Variants in CCDC13 observed in about 807,000 individuals in gnomAD.
The protein encoded by CCDC13 is coiled-coil domain containing 13.
In CCDC13, 70 loss-of-function variants were observed where a neutral mutation model predicts 87.3. That is an observed-to-expected ratio of 0.80 (90% CI 0.66 to 0.98). The LOEUF is 0.98. CCDC13 is among the 50% of genes least tolerant of loss of function. The pLI is 0.00. For synonymous variants in CCDC13, 317 were observed against 360.3 expected, an observed-to-expected ratio of 0.88 and a Z score of 1.36; for missense variants, 842 against 892.0, an observed-to-expected ratio of 0.94 and a Z score of 0.71.
chr3:42,735,956 C>A (rs777820595), intron 9 of CCDC13, 43 bp from the exon 10 acceptor site: 2 of 1,576,414 alleles, frequency 1.3e-6, no homozygotes, highest in South Asian at 2.3e-5. Context: ...AGTCATGGCC[C>A]TTTGGGCCGG....
chr3:42,757,077 A>C lies in CCDC13; in HGVS notation c.359T>G (p.Phe120Cys). Residue 120 changes from phenylalanine to cysteine, a missense_variant, in exon 3 of 16, where the codon TTT becomes TGT. Phe to Cys is a radical substitution (Grantham distance 205). Coordinates refer to ENST00000310232, the MANE Select transcript of CCDC13 (RefSeq NM_144719.4). ...HLKKKIEEDR[F>C]AFTGTAGVAG... ...AATGGTGGAGCTACCTGTGAAGGCA[A>C]ATCTGTCCTCTTCTATTTTCTTTTT... 1 of 1,614,042 alleles carries C rather than the reference A, an allele frequency of 6.2e-7. No homozygotes were observed. The highest frequency in any genetic ancestry group is 1.3e-5 in the African/African-American group (1 of 75,060).
At chr3:42,742,027 A>G (rs1466874965) in intron 8 of CCDC13, among the ~76,000 whole-genome samples, 2 of 152,214 alleles carry the variant, frequency 1.3e-5, no homozygotes, top group Non-Finnish European at 2.9e-5. Flanking sequence ...GGCCTGTTGT[A>G]TGGCCTGCCT....
intron 2 of CCDC13, 63 bp from the exon 3 acceptor site, chr3:42,757,277 G>A: frequency 6.6e-7 from 1 of 1,509,384 alleles, no homozygotes. Context: ...CAGGGGTCAG[G>A]CCTCCACTGC....
In CCDC13 at chr3:42,708,729, G is replaced by A; in HGVS notation, c.*251C>T. ...CCAGAGCTCTCGCCTCTGCCAGTGG[G>A]CTGCTGGGCCTCCCTGCTGCTGTAA... is the stretch of plus-strand genomic sequence containing the variant. On this transcript the variant is annotated 3_prime_UTR_variant, in exon 16 of 16. Transcript: ENST00000310232. 2.5e-6 allele frequency: 1 copy of A among 400,702 alleles called. No individual in the cohort carries two copies. The highest frequency in any genetic ancestry group is 5.3e-5 in the South Asian group (1 of 18,902). The allele number at this position is 400,702 out of a possible 1,614,324, so 24.8% of individuals were successfully genotyped here. A position where few individuals can be genotyped will look rare whatever the true frequency, so the allele number is the denominator to read the frequency against.
At chr3:42,744,887 TC>T (rs1304777743) in intron 7 of CCDC13, 4 of 151,724 alleles carry the variant, frequency 2.6e-5, no homozygotes, top group African/African-American at 9.7e-5. Flanking sequence ...CTTATTATGG[TC>T]AGGCACTGTC....
intron 5 of CCDC13, among the ~76,000 whole-genome samples, chr3:42,750,135 C>T (rs1699537364): frequency 6.6e-6 from 1 of 152,228 alleles, no homozygotes; most frequent in African/African-American, 2.4e-5. Context: ...AGCTGCCATT[C>T]AAGGGCTCCC....
At chr3:42,767,981 A>C (rs547099958) in intron 1 of CCDC13, among the ~76,000 whole-genome samples, 1 of 152,274 alleles carries the variant, frequency 6.6e-6, no homozygotes, top group East Asian at 1.9e-4. Context: ...TCTCAAAAAA[A>C]AAAAAAGACT....
chr3:42,717,903 G>C, intron 13 of CCDC13: 1 of 152,230 alleles, frequency 6.6e-6, no homozygotes, highest in East Asian at 1.9e-4. Flanking sequence ...TCAGCTCCTA[G>C]ATTTTTCTCC....
At chr3:42,735,586 A>C in intron 10 of CCDC13, 121 bp downstream of exon 10, 1 of 1,045,498 alleles carries the variant, frequency 9.6e-7, no homozygotes, top group Non-Finnish European at 1.4e-6. Flanking sequence ...GCAGGTGGCC[A>C]AAGTGGAGCC....
intron 3 of CCDC13, among the ~76,000 whole-genome samples, chr3:42,755,360 G>T (rs1559659294): frequency 6.6e-6 from 1 of 152,120 alleles, no homozygotes; most frequent in Non-Finnish European, 1.5e-5. Flanking sequence ...TGTAATCCCA[G>T]GACTTTGGGA....
rs1698800153 is a variant in CCDC13 at position 42,730,541 on chromosome 3, C to T, written c.1644G>A (p.Glu548=). 1 of 1,614,176 alleles carries T rather than the reference C, an allele frequency of 6.2e-7. No individual in the cohort carries two copies. The highest frequency in any genetic ancestry group is 8.5e-7 in the Non-Finnish European group (1 of 1,180,016). Residue 548 remains glutamate (E), a synonymous_variant, in exon 13 of 16, where the codon GAG becomes GAA. Coordinates refer to ENST00000310232, the MANE Select transcript of CCDC13 (RefSeq NM_144719.4). ...CGGCAGCCTGCCAGAGGGCCTTGAT[C>T]TCTGACACTTGTGCCTGCCAGCCTT... is the stretch of plus-strand genomic sequence containing the variant. ...EQKGWQAQVS[E]IKALWQAAEV...
intron 13 of CCDC13, among the ~76,000 whole-genome samples, chr3:42,723,038 C>A (rs952062679): frequency 2.0e-5 from 3 of 152,116 alleles, no homozygotes; most frequent in Admixed American, 1.3e-4. Flanking sequence ...ACCTCGTGAC[C>A]TGCCCATCTC....
rs555579245 is a variant in CCDC13, at chr3:42,759,255, G to C, written c.-6-904C>G. On this transcript the variant is annotated intron_variant, in intron 1 of 15. Coordinates refer to ENST00000310232, the MANE Select transcript of CCDC13 (RefSeq NM_144719.4). ...GCCCAGGAAGTGGAGGCTGCAGTGA[G>C]CCATGATTGTGCCACTATATTCCAT... Among the ~76,000 whole-genome samples the C allele has an allele frequency of 1.7e-4, 25 of 151,486 alleles. No individual in the cohort carries two copies. The East Asian group carries it at 4.8e-3, about 29-fold the overall frequency.
At chr3:42,757,284 C>T (rs1699725567) in intron 2 of CCDC13, 70 bp from the exon 3 acceptor site, 1 of 1,493,288 alleles carries the variant, frequency 6.7e-7, no homozygotes, top group Admixed American at 2.1e-5. Context: ...CAGGCCTCCA[C>T]TGCCTAGGTG....
chr3:42,706,905 G>T lies in CCDC13; in HGVS notation c.*2075C>A, dbSNP rs1330478488. 1 of 152,262 alleles carries T rather than the reference G, an allele frequency of 6.6e-6. No individual in the cohort carries two copies. The highest frequency in any genetic ancestry group is 1.5e-5 in the Non-Finnish European group (1 of 68,076). 9.4% of individuals were successfully genotyped at this position (152,262 alleles called of 1,614,324 possible). A position where few individuals can be genotyped will look rare whatever the true frequency, so the allele number is the denominator to read the frequency against. Reference sequence around the variant, plus strand: ...AGAGAGGTTAAATAACTTGCCCAAGGCCACACAGCTGGTAAGTGGGGAGAG... The same window carrying T: ...AGAGAGGTTAAATAACTTGCCCAAGTCCACACAGCTGGTAAGTGGGGAGAG... On this transcript the variant is annotated 3_prime_UTR_variant, in exon 16 of 16. Coordinates refer to ENST00000310232, the MANE Select transcript of CCDC13 (RefSeq NM_144719.4).
At chr3:42,758,027 G>A (rs1325669477) in intron 2 of CCDC13, 98 bp downstream of exon 2, 5 of 998,358 alleles carry the variant, frequency 5.0e-6, no homozygotes, top group Non-Finnish European at 7.4e-6. Context: ...TATCACTTTA[G>A]CTGCATTTTA....
In CCDC13 at chr3:42,747,340, T is replaced by A. The variant is rs748492645; in HGVS notation, c.637A>T (p.Arg213Trp). 3.7e-6 allele frequency: 6 copies of A among 1,613,974 alleles called. No homozygotes were observed. In the South Asian group the frequency reaches 6.6e-5, roughly 18 times the overall value. ...ETPEVKALQD[R>W]LVATNLKMSD... Reference sequence around the variant, plus strand: ...ATCTTCAAGTTGGTGGCCACCAGCCTGTCCTGCAGGGCCTTCACCTCTGGG... The same window carrying A: ...ATCTTCAAGTTGGTGGCCACCAGCCAGTCCTGCAGGGCCTTCACCTCTGGG... Residue 213 changes from arginine to tryptophan, a missense_variant, in exon 6 of 16, where the codon AGG becomes TGG. Coordinates refer to ENST00000310232, the MANE Select transcript of CCDC13 (RefSeq NM_144719.4).
chr3:42,764,648 C>G lies in CCDC13; in HGVS notation c.-6-6297G>C, dbSNP rs1465329444. On this transcript the variant is annotated intron_variant, in intron 1 of 15. Coordinates refer to ENST00000310232, the MANE Select transcript of CCDC13 (RefSeq NM_144719.4). ...AGCAGATGTTTTGGGTTTGTGGCTCCTGCTGTGGATTAAGCCCAGTGGCAT... is the reference window on the plus strand; with the variant it reads ...AGCAGATGTTTTGGGTTTGTGGCTCGTGCTGTGGATTAAGCCCAGTGGCAT... Among the ~76,000 whole-genome samples, 4 of 152,300 alleles carry G rather than the reference C, an allele frequency of 2.6e-5. No homozygotes were observed. The East Asian group carries it at 7.7e-4, about 29-fold the overall frequency.
chr3:42,713,038 C>A (rs1283340200), intron 14 of CCDC13, 124 bp downstream of exon 14: 3 of 1,140,586 alleles, frequency 2.6e-6, no homozygotes, highest in Admixed American at 4.9e-5. Context: ...CAGAGCTCCA[C>A]CCTGATGGAA....
Sources: allele counts gnomAD v4.1 joint callset (sites outside exome capture counted in the v4.1 genomes callset), GRCh38; gene constraint gnomAD v4.1.1; transcripts MANE v1.5; gene names NCBI Gene and HGNC (gene_info 2026-07-23, HGNC 2026-07-21).